XXYLT1: variants seen among roughly 807,000 people sequenced by gnomAD.
The protein encoded by XXYLT1 is UDP-xylose:alpha-xyloside alpha-1,3-xylosyltransferase.
A neutral mutation model predicts 28.9 loss-of-function variants in XXYLT1; 20 were observed. The observed-to-expected ratio is 0.69, with a 90% CI of 0.49 to 1.00. XXYLT1 has a LOEUF of 1.00. XXYLT1 is among the 50% of genes least tolerant of loss of function. The pLI, the probability that XXYLT1 is intolerant of heterozygous loss-of-function variation, is 0.00. For missense variants in XXYLT1, 542 were observed against 560.1 expected (o/e 0.97, Z 0.33); for synonymous variants, 257 against 253.8 (o/e 1.01, Z -0.12).
rs574216409 is a variant in XXYLT1, at chr3:195,164,151, G to A, written c.653-7570C>T. 2.4e-3 allele frequency among the ~76,000 whole-genome samples: 373 copies of A among 152,332 alleles called. 2 individuals carry two copies. Among genetic ancestry groups the A allele is most frequent in the Non-Finnish European group, 4.1e-3 (282 of 68,028 alleles). On this transcript the variant is annotated intron_variant, in intron 2 of 3. Transcript: ENST00000310380. ...GGAACTAGCAGTACTCCCACAGAAG[G>A]CAAGAAGTAACTACACCCACTTTAC... is the stretch of plus-strand genomic sequence containing the variant.
chr3:195,197,950 G>A (rs1722696176), intron 2 of XXYLT1, among the ~76,000 whole-genome samples: 1 of 152,220 alleles, frequency 6.6e-6, no homozygotes, highest in African/African-American at 2.4e-5. Flanking sequence ...ACTTCTGCAC[G>A]AGCTGGAGAG....
At chr3:195,120,285 C>T (rs572501017) in intron 3 of XXYLT1, among the ~76,000 whole-genome samples, 2 of 29,684 alleles carry the variant, frequency 6.7e-5, no homozygotes, top group Admixed American at 8.0e-4. Flanking sequence ...TGCTCAGATG[C>T]CCCCCCCGCC....
intron 2 of XXYLT1, 86 bp from the exon 3 acceptor site, chr3:195,156,667 G>A: frequency 1.3e-6 from 2 of 1,536,242 alleles, no homozygotes; most frequent in South Asian, 2.4e-5. Flanking sequence ...GGAGGGCAGA[G>A]AAAAGGGCAC....
In XXYLT1 at chr3:195,173,342, T is replaced by C. The variant is rs1577107623; in HGVS notation, c.653-16761A>G. Among the ~76,000 whole-genome samples, 1 of 152,058 alleles carries C rather than the reference T, an allele frequency of 6.6e-6. No homozygotes were observed. The highest frequency in any genetic ancestry group is 2.1e-4 in the South Asian group (1 of 4,820). On this transcript the variant is annotated intron_variant, in intron 2 of 3. Transcript: ENST00000310380. The surrounding 1 kb of genome is among the most constrained non-coding windows in gnomAD (Gnocchi z 4.3). ...GCTCAGGGAAAGACGCAGCGTCTCCTCCCCCAGCATCTGCCTGGCCATTAT... is the reference window on the plus strand; with the variant it reads ...GCTCAGGGAAAGACGCAGCGTCTCCCCCCCCAGCATCTGCCTGGCCATTAT...
chr3:195,196,709 C>A (rs1722639809), intron 2 of XXYLT1, among the ~76,000 whole-genome samples: 1 of 152,138 alleles, frequency 6.6e-6, no homozygotes, highest in South Asian at 2.1e-4. Context: ...GGAGACCCAA[C>A]CGTGTAAAAG....
At chr3:195,088,137 T>A (rs867874605) in intron 3 of XXYLT1, among the ~76,000 whole-genome samples, 3 of 149,692 alleles carry the variant, frequency 2.0e-5, no homozygotes, top group Non-Finnish European at 3.0e-5. Flanking sequence ...CAGGCTTGAT[T>A]AGGTAAACAA....
At chr3:195,245,624 T>C (rs997867445) in intron 1 of XXYLT1, among the ~76,000 whole-genome samples, 4 of 152,138 alleles carry the variant, frequency 2.6e-5, no homozygotes, top group African/African-American at 9.7e-5. Context: ...GAGAGGATGA[T>C]ATGTGTGTCT....
intron 1 of XXYLT1, among the ~76,000 whole-genome samples, chr3:195,228,239 G>A (rs1038105370): frequency 6.6e-6 from 1 of 152,006 alleles, no homozygotes; most frequent in African/African-American, 2.4e-5. Flanking sequence ...GCAAAGCCAC[G>A]TGAACCCCTG....
chr3:195,252,919 T>G (rs954982427), intron 1 of XXYLT1, among the ~76,000 whole-genome samples: 1 of 152,050 alleles, frequency 6.6e-6, no homozygotes, highest in Admixed American at 6.6e-5. Context: ...CCACCGCAGG[T>G]GGGTCCCCTA....
Position 195,076,346 on chromosome 3 carries a change from G to A in XXYLT1, c.786-6235C>T, listed in dbSNP as rs1013347446. Among the ~76,000 whole-genome samples, 1 of 149,288 alleles carries A rather than the reference G, an allele frequency of 6.7e-6. No individual in the cohort carries two copies. Among genetic ancestry groups the A allele is most frequent in the Non-Finnish European group, 1.5e-5 (1 of 67,494 alleles). On this transcript the variant is annotated intron_variant, in intron 3 of 3. Transcript: ENST00000310380. This position sits in a 1 kb window ranked among gnomAD's most constrained non-coding sequence, Gnocchi z 5.3. ...CGCACGGGGTCACGGGGCCGACTGC[G>A]GCACAGACATTGGAACTCGACCGCG...
intron 2 of XXYLT1, among the ~76,000 whole-genome samples, chr3:195,205,039 C>T (rs1723011482): frequency 6.6e-6 from 1 of 152,228 alleles, no homozygotes; most frequent in East Asian, 1.9e-4. Context: ...ACTTGAGAAA[C>T]ACTCAAACAT....
At chr3:195,237,582 G>A (rs946497921) in intron 1 of XXYLT1, among the ~76,000 whole-genome samples, 4 of 125,486 alleles carry the variant, frequency 3.2e-5, no homozygotes, top group Non-Finnish European at 5.3e-5. Context: ...CAAATTTGGT[G>A]TTCTTGTGAG....
intron 3 of XXYLT1, among the ~76,000 whole-genome samples, chr3:195,121,558 C>G (rs1051449005): frequency 1.3e-5 from 2 of 152,198 alleles, no homozygotes; most frequent in Non-Finnish European, 2.9e-5. Context: ...TTTTCTGCCC[C>G]TACGCCCCAC....
In XXYLT1 at chr3:195,069,924, G is replaced by A. The variant is rs757771770; in HGVS notation, c.973C>T (p.Arg325Cys). 36 of 1,613,516 alleles carry A rather than the reference G, an allele frequency of 2.2e-5. 1 individual carries two copies. The highest frequency in any genetic ancestry group is 1.2e-4 in the African/African-American group (9 of 74,940). Residue 325 changes from arginine (R) to cysteine (C), a missense_variant, in exon 4 of 4, where the codon CGC (arginine) becomes TGC (cysteine). By Grantham distance (180) the Arg-to-Cys change is radical. Coordinates refer to ENST00000310380, the MANE Select transcript of XXYLT1 (RefSeq NM_152531.5). ...AAGTCCTGGTCCCCGAGGTGGCCGCGGAAGTGGTACTTGTCGGCCAGCTGC... is the reference window on the plus strand; with the variant it reads ...AAGTCCTGGTCCCCGAGGTGGCCGCAGAAGTGGTACTTGTCGGCCAGCTGC... ...VQQLADKYHFRGHLGDQDFFT... is the reference protein window; with the variant it reads ...VQQLADKYHFCGHLGDQDFFT...
intron 2 of XXYLT1, among the ~76,000 whole-genome samples, chr3:195,163,164 G>C (rs1720958376): frequency 6.6e-6 from 1 of 152,164 alleles, no homozygotes; most frequent in African/African-American, 2.4e-5. Context: ...TTTTTGGATA[G>C]AATTATCAGG....
At chr3:195,100,912 G>T (rs940851393) in intron 3 of XXYLT1, among the ~76,000 whole-genome samples, 3 of 152,212 alleles carry the variant, frequency 2.0e-5, no homozygotes, top group African/African-American at 7.2e-5. Flanking sequence ...CACAAAGCAG[G>T]GACTCAGTCC....
chr3:195,212,537 C>T (rs1050800126), intron 2 of XXYLT1, among the ~76,000 whole-genome samples: 30 of 152,288 alleles, frequency 2.0e-4, no homozygotes, highest in Middle Eastern at 3.4e-3. Context: ...GGAACCCGGC[C>T]GCACAGCAGG....
At chr3:195,268,478 G>A (rs551830670) in intron 1 of XXYLT1, among the ~76,000 whole-genome samples, 19 of 151,458 alleles carry the variant, frequency 1.3e-4, no homozygotes, top group African/African-American at 4.4e-4. Context: ...GTGGGCACCT[G>A]TAATTCCAGC....
chr3:195,150,171 G>A lies in XXYLT1; in HGVS notation c.785+6278C>T, dbSNP rs1041929975. On this transcript the variant is annotated intron_variant, in intron 3 of 3. Transcript: ENST00000310380. This position sits in a 1 kb window ranked among gnomAD's most constrained non-coding sequence, Gnocchi z 4.7. ...CCACCACCACCCAGGAGTGCTGCTC[G>A]TGCTAGGCACCATAAATACATTATC... Among the ~76,000 whole-genome samples the A allele has an allele frequency of 4.6e-5, 4 of 86,740 alleles. No homozygotes were observed. Among genetic ancestry groups the A allele is most frequent in the Non-Finnish European group, 6.6e-5 (3 of 45,272 alleles). The allele number at this position is 86,740 out of a possible 152,430, so 56.9% of individuals were successfully genotyped here.
Sources: gnomAD v4.1 joint callset for allele counts (sites outside exome capture counted in the v4.1 genomes callset) on GRCh38, gnomAD v4.1.1 for gene constraint, Gnocchi (gnomAD v3.1) non-coding constraint, MANE v1.5 for transcripts, NCBI Gene and HGNC (gene_info 2026-07-23, HGNC 2026-07-21) for gene names.